RWDD3: variants seen among roughly 807,000 people sequenced by gnomAD.
The protein encoded by RWDD3 is RWD domain-containing protein 3.
Under a neutral mutation model 26.5 loss-of-function variants are expected in RWDD3, and 30 were observed. The observed-to-expected ratio is 1.13, with a 90% CI of 0.85 to 1.54. The LOEUF is 1.54. Ranked by LOEUF, RWDD3 falls within the 40% of genes most tolerant of loss-of-function variation. The probability of loss-of-function intolerance (pLI) is 0.00; values close to 1 mark genes in which losing one functional copy is unlikely to be tolerated. For missense variants in RWDD3, 296 were observed against 309.1 expected, an observed-to-expected ratio of 0.96 and a Z score of 0.32; for synonymous variants, 113 against 114.5, an observed-to-expected ratio of 0.99 and a Z score of 0.09.
intron 1 of RWDD3, among the ~76,000 whole-genome samples, chr1:95,237,833 C>G (rs745549507): frequency 6.6e-6 from 1 of 152,186 alleles, no homozygotes; most frequent in African/African-American, 2.4e-5. Context: ...TAAATAACCA[C>G]CAGGCTCCAG....
Position 95,246,278 on chromosome 1 carries a change from T to A in RWDD3, c.574-264T>A, listed in dbSNP as rs994920384. 3 of 279,380 alleles carry A rather than the reference T, an allele frequency of 1.1e-5. No individual in the cohort carries two copies. The South Asian group carries it at 3.5e-4, about 33-fold the overall frequency. The allele number at this position is 279,380 out of a possible 1,614,324, so 17.3% of individuals were successfully genotyped here. On this transcript the variant is annotated intron_variant, in intron 2 of 3. Transcript: ENST00000370202. ...GCAACTGAGCCACAGAGGATTTAAG[T>A]AACCAGCCCAGAGTAAGAACTAGTA...
At chr1:95,234,698 C>G (rs112580129) in intron 1 of RWDD3, among the ~76,000 whole-genome samples, 6 of 151,562 alleles carry the variant, frequency 4.0e-5, no homozygotes, top group South Asian at 2.1e-4. Context: ...TGCCCTAGGC[C>G]CCCCCGAGAG....
At chr1:95,240,378 G>GA (rs926279675) in intron 1 of RWDD3, among the ~76,000 whole-genome samples, 60 of 152,096 alleles carry the variant, frequency 3.9e-4, no homozygotes, top group African/African-American at 1.2e-3. Context: ...TTCAGTGCTG[G>GA]AAAAAATGTT....
chr1:95,236,340 A>AG (rs910608531), intron 1 of RWDD3, among the ~76,000 whole-genome samples: 2 of 151,780 alleles, frequency 1.3e-5, no homozygotes, highest in Non-Finnish European at 2.9e-5. Context: ...CAGAAAAAAA[A>AG]AAAAAAAGTA....
intron 1 of RWDD3, among the ~76,000 whole-genome samples, chr1:95,241,523 G>C (rs551380266): frequency 6.6e-6 from 1 of 152,306 alleles, no homozygotes; most frequent in African/African-American, 2.4e-5. Context: ...TATTGCTTAG[G>C]AAACAAATCT....
At chr1:95,246,336 TGGATTATATTGTTC>T (rs1327879452) in intron 2 of RWDD3, 192 bp from the exon 3 acceptor site, 2 of 397,982 alleles carry the variant, frequency 5.0e-6, no homozygotes, top group Non-Finnish European at 9.1e-6. Context: ...CTTGAGGAGT[TGGATTATATTGTTC>T]TTTACTCCTG....
chr1:95,244,716 G>T lies in RWDD3; in HGVS notation c.573+18G>T. 1 of 1,606,870 alleles carries T rather than the reference G, an allele frequency of 6.2e-7. No individual in the cohort carries two copies. Among genetic ancestry groups the T allele is most frequent in the Non-Finnish European group, 8.5e-7 (1 of 1,176,880 alleles). On this transcript the variant is annotated intron_variant, in intron 2 of 3. Transcript: ENST00000370202. The stretch of plus-strand genomic sequence containing the variant: ...ACCTCAAGGTGCCAAAAAGTTAAAT[G>T]TTGAGTATGAATCTGGCTATTTTCT...
In RWDD3 at chr1:95,246,894, T is replaced by C. The variant is rs1680873937; in HGVS notation, c.*24T>C. The C allele has an allele frequency of 7.4e-7, 1 of 1,359,096 alleles. No homozygotes were observed. Among genetic ancestry groups the C allele is most frequent in the Non-Finnish European group, 1.0e-6 (1 of 1,001,392 alleles). 84.2% of individuals were successfully genotyped at this position (1,359,096 alleles called of 1,614,324 possible). ...GAAATGGAAGACAGGAATCTTTTAG[T>C]AAAATAGCAGTGTTTTTTGTTGTTT... On this transcript the variant is annotated 3_prime_UTR_variant, in exon 4 of 4. Transcript: ENST00000370202.
chr1:95,242,620 A>T (rs554881276), intron 1 of RWDD3, among the ~76,000 whole-genome samples: 32 of 151,902 alleles, frequency 2.1e-4, no homozygotes, highest in Non-Finnish European at 3.5e-4. Flanking sequence ...ATTTTTTTTT[A>T]AAAGGGTAAG....
At chr1:95,239,822 C>T in intron 1 of RWDD3, 1 of 1,289,448 alleles carries the variant, frequency 7.8e-7, no homozygotes, top group Non-Finnish European at 1.0e-6. Flanking sequence ...TAAGGACTGA[C>T]ATGGCTGGCT....
chr1:95,246,570 A>C lies in RWDD3; in HGVS notation c.602A>C (p.Lys201Thr), dbSNP rs771357248. Residue 201 changes from lysine to threonine, a missense_variant, in exon 3 of 4, where the codon AAA becomes ACA. By Grantham distance (78) the Lys-to-Thr change is moderately conservative. Coordinates refer to ENST00000370202, the MANE Select transcript of RWDD3 (RefSeq NM_015485.5). ...KEYLILQKTS[K>T]VDVDSSGKKC... ...TACTTGATTCTTCAGAAAACCTCCA[A>C]AGTAGATGTGGACTCAAGTGGAAAG... 6.2e-7 allele frequency: 1 copy of C among 1,611,322 alleles called. No homozygotes were observed. Among genetic ancestry groups the C allele is most frequent in the Non-Finnish European group, 8.5e-7 (1 of 1,177,888 alleles).
intron 3 of RWDD3, 41 bp from the exon 4 acceptor site, chr1:95,246,715 C>T (rs1340769425): frequency 6.6e-7 from 1 of 1,526,036 alleles, no homozygotes; most frequent in East Asian, 2.3e-5. Context: ...TATACTCTGA[C>T]AAATCTAGGC....
chr1:95,236,379 A>G (rs1162763465), intron 1 of RWDD3, among the ~76,000 whole-genome samples: 1 of 152,090 alleles, frequency 6.6e-6, no homozygotes, highest in Non-Finnish European at 1.5e-5. Flanking sequence ...TGTTGTGAGA[A>G]AACCATTTAA....
At chr1:95,240,962 A>G (rs1005652369) in intron 1 of RWDD3, among the ~76,000 whole-genome samples, 14 of 151,770 alleles carry the variant, frequency 9.2e-5, no homozygotes, top group Non-Finnish European at 7.4e-5. Flanking sequence ...CCTGAGGTCA[A>G]GAGTTTGAGA....
intron 1 of RWDD3, among the ~76,000 whole-genome samples, chr1:95,235,729 T>C (rs1388385021): frequency 6.6e-6 from 1 of 152,098 alleles, no homozygotes; most frequent in Non-Finnish European, 1.5e-5. Flanking sequence ...ATTGAATCCC[T>C]GCTGCCTACA....
chr1:95,245,303 C>T (rs1284431378), intron 2 of RWDD3, among the ~76,000 whole-genome samples: 1 of 152,174 alleles, frequency 6.6e-6, no homozygotes, highest in East Asian at 1.9e-4. Context: ...TCATCTTCTT[C>T]AGATTTTTCA....
chr1:95,235,341 T>TG (rs1680278371), intron 1 of RWDD3, among the ~76,000 whole-genome samples: 2 of 104,136 alleles, frequency 1.9e-5, no homozygotes, highest in East Asian at 3.2e-4. Context: ...CGTGAGCCAC[T>TG]GCGCCCGGCC....
intron 1 of RWDD3, chr1:95,239,773 C>G (rs1262960950): frequency 1.6e-5 from 20 of 1,277,194 alleles, no homozygotes; most frequent in Non-Finnish European, 2.0e-5. Context: ...TGTTTGCTGA[C>G]TAGGACCAGA....
At chr1:95,240,022 C>T (rs1221307415) in intron 1 of RWDD3, 2 of 965,768 alleles carry the variant, frequency 2.1e-6, no homozygotes, top group Non-Finnish European at 2.8e-6. Flanking sequence ...GGATACATTG[C>T]CTTCTTTTGT....
Sources: allele counts gnomAD v4.1 joint callset (sites outside exome capture counted in the v4.1 genomes callset), GRCh38; gene constraint gnomAD v4.1.1; transcripts MANE v1.5; gene names NCBI Gene and HGNC (gene_info 2026-07-23, HGNC 2026-07-21).